PCOLCE2: variants seen among roughly 807,000 people sequenced by gnomAD.
PCOLCE2 encodes procollagen C-endopeptidase enhancer 2, also known as procollagen C-proteinase enhancer 2.
Under a neutral mutation model 47.0 loss-of-function variants are expected in PCOLCE2, and 42 were observed. That is an observed-to-expected ratio of 0.89 (90% CI 0.70 to 1.16). The LOEUF (loss-of-function observed/expected upper bound fraction) is 1.16, where lower values mean the gene tolerates loss of function less well. PCOLCE2 is among the 50% of genes most tolerant of loss of function. PCOLCE2 has a pLI of 0.00. For synonymous variants in PCOLCE2, 169 were observed against 191.7 expected, an observed-to-expected ratio of 0.88 and a Z score of 0.98; for missense variants, 500 against 526.1, an observed-to-expected ratio of 0.95 and a Z score of 0.49.
At chr3:142,835,655 T>A (rs1937194943) in intron 5 of PCOLCE2, among the ~76,000 whole-genome samples, 1 of 152,192 alleles carries the variant, frequency 6.6e-6, no homozygotes, top group South Asian at 2.1e-4. Flanking sequence ...TTTTTGTTTG[T>A]CTTTTGAGAC....
chr3:142,841,084 A>C (rs1460590189), intron 4 of PCOLCE2, among the ~76,000 whole-genome samples: 1 of 151,960 alleles, frequency 6.6e-6, no homozygotes, highest in Non-Finnish European at 1.5e-5. Context: ...CAAAAAAAAA[A>C]AAAAAAGAAA....
At chr3:142,881,245 T>C (rs2125125) in intron 2 of PCOLCE2, among the ~76,000 whole-genome samples, 126,070 of 152,184 alleles carry the variant, frequency 0.83, 52,783 homozygotes, top group African/African-American at 0.95. Context: ...CTACCCTTTG[T>C]ATACCATTTA....
At chr3:142,821,973 A>T (rs181930886) in intron 7 of PCOLCE2, among the ~76,000 whole-genome samples, 112 of 152,150 alleles carry the variant, frequency 7.4e-4, no homozygotes, top group African/African-American at 2.6e-3. Flanking sequence ...GCTGGACTGC[A>T]GTGGCACAAT....
Position 142,818,375 on chromosome 3 carries a change from T to C in PCOLCE2, c.1208A>G (p.Asn403Ser). 1 of 1,613,826 alleles carries C rather than the reference T, an allele frequency of 6.2e-7. No homozygotes were observed. Among genetic ancestry groups the C allele is most frequent in the Non-Finnish European group, 8.5e-7 (1 of 1,179,758 alleles). ...TTTTAAGGCATCCAGGAGCTTCTGA[T>C]TCTTGGTCTTGAACATCATGATAAA... ...NSFIMMFKTK[N>S]QKLLDALKNK... is the part of the protein sequence containing the mutation. Residue 403 changes from asparagine (N) to serine (S), a missense_variant, in exon 9 of 9, where the codon AAT becomes AGT. Physicochemically the swap from Asn to Ser is conservative, Grantham distance 46 (BLOSUM62 1). Coordinates refer to ENST00000295992, the MANE Select transcript of PCOLCE2 (RefSeq NM_013363.4).
chr3:142,836,433 G>A (rs879677120), intron 5 of PCOLCE2, among the ~76,000 whole-genome samples: 8 of 152,174 alleles, frequency 5.3e-5, no homozygotes, highest in African/African-American at 1.7e-4. Flanking sequence ...CACATGCCCC[G>A]GGGGAGCTGC....
intron 2 of PCOLCE2, among the ~76,000 whole-genome samples, chr3:142,851,090 T>C (rs571931745): frequency 2.4e-4 from 37 of 152,176 alleles, no homozygotes; most frequent in South Asian, 1.5e-3. Context: ...TGAAAGCATA[T>C]ATAGAATTTT....
chr3:142,870,483 T>C (rs2108207661), intron 2 of PCOLCE2, among the ~76,000 whole-genome samples: 1 of 152,274 alleles, frequency 6.6e-6, no homozygotes, highest in East Asian at 1.9e-4. Context: ...AAGAAAAACA[T>C]CAAGCGTTAG....
intron 2 of PCOLCE2, among the ~76,000 whole-genome samples, chr3:142,862,627 G>T (rs1237895324): frequency 6.6e-6 from 1 of 152,286 alleles, no homozygotes. Context: ...AAGAATGATA[G>T]ATGCTGTATT....
chr3:142,855,569 G>A (rs948109117), intron 2 of PCOLCE2, among the ~76,000 whole-genome samples: 1 of 152,126 alleles, frequency 6.6e-6, no homozygotes, highest in African/African-American at 2.4e-5. Flanking sequence ...GGCAGAGGCT[G>A]AGGAGATGCT....
At chr3:142,820,288 T>G (rs1936998709) in intron 8 of PCOLCE2, among the ~76,000 whole-genome samples, 1 of 152,180 alleles carries the variant, frequency 6.6e-6, no homozygotes, top group African/African-American at 2.4e-5. Context: ...AGGGTTTCAC[T>G]TTTAAACATA....
chr3:142,818,654 C>T (rs555220757), intron 8 of PCOLCE2, among the ~76,000 whole-genome samples, 189 bp from the exon 9 acceptor site: 7 of 152,270 alleles, frequency 4.6e-5, no homozygotes, highest in Non-Finnish European at 8.8e-5. Context: ...CCATGTTCCC[C>T]AGGCTGGTCT....
At chr3:142,848,805 T>C (rs1224315369) in intron 2 of PCOLCE2, among the ~76,000 whole-genome samples, 1 of 152,206 alleles carries the variant, frequency 6.6e-6, no homozygotes, top group Non-Finnish European at 1.5e-5. Context: ...GACCTTAGCA[T>C]ATATTTGCAT....
At chr3:142,839,027 G>T in intron 4 of PCOLCE2, 121 bp from the exon 5 acceptor site, 2 of 673,488 alleles carry the variant, frequency 3.0e-6, no homozygotes, top group South Asian at 2.5e-5. Flanking sequence ...AAAAAAGTAT[G>T]CATTAAGTGC....
chr3:142,875,587 T>C (rs1310086816), intron 2 of PCOLCE2, among the ~76,000 whole-genome samples: 1 of 152,232 alleles, frequency 6.6e-6, no homozygotes, highest in African/African-American at 2.4e-5. Context: ...TCCTTGCTGA[T>C]GGAAGTACTC....
chr3:142,819,326 T>G (rs1269271159), intron 8 of PCOLCE2, among the ~76,000 whole-genome samples: 2 of 152,208 alleles, frequency 1.3e-5, no homozygotes, highest in African/African-American at 4.8e-5. Context: ...CCTCCTTTAG[T>G]TCCCCTTTCC....
chr3:142,824,250 C>A (rs144728256), intron 6 of PCOLCE2, among the ~76,000 whole-genome samples: 1 of 151,870 alleles, frequency 6.6e-6, no homozygotes, highest in African/African-American at 2.4e-5. Context: ...GGTGACGTTG[C>A]CCCCAGCAGG....
chr3:142,824,294 CACA>C (rs941294964), intron 6 of PCOLCE2, among the ~76,000 whole-genome samples: 6 of 152,038 alleles, frequency 3.9e-5, no homozygotes, highest in African/African-American at 1.4e-4. Flanking sequence ...TTCTGGTTAT[CACA>C]ACTAGAGGGT....
At chr3:142,819,313 ATTC>A (rs1936986951) in intron 8 of PCOLCE2, among the ~76,000 whole-genome samples, 1 of 152,146 alleles carries the variant, frequency 6.6e-6, no homozygotes, top group African/African-American at 2.4e-5. Context: ...GTATGGGTTA[ATTC>A]CTCCTTTAGT....
In PCOLCE2 at chr3:142,819,452, C is replaced by T. The variant is rs565473145; in HGVS notation, c.1118-987G>A. On this transcript the variant is annotated intron_variant, in intron 8 of 8. Coordinates refer to ENST00000295992, the MANE Select transcript of PCOLCE2 (RefSeq NM_013363.4). Reference sequence around the variant, plus strand: ...AGAGTCTGGGCAGGTAATGCTGCCTCAAGGCTGAAGTGCTAGCAGCATTAT... The same window carrying T: ...AGAGTCTGGGCAGGTAATGCTGCCTTAAGGCTGAAGTGCTAGCAGCATTAT... Among the ~76,000 whole-genome samples the T allele has an allele frequency of 5.3e-5, 8 of 152,244 alleles. No individual in the cohort carries two copies. In the East Asian group the frequency reaches 7.7e-4, roughly 15 times the overall value.
Sources: allele counts gnomAD v4.1 joint callset (sites outside exome capture counted in the v4.1 genomes callset), GRCh38; gene constraint gnomAD v4.1.1; transcripts MANE v1.5; gene names NCBI Gene and HGNC (gene_info 2026-07-23, HGNC 2026-07-21).